The following LRRTM4 variants were observed in gnomAD, a reference collection of about 807,000 sequenced individuals.
The protein encoded by LRRTM4 is leucine rich repeat transmembrane neuronal 4.
A neutral mutation model predicts 47.6 loss-of-function variants in LRRTM4; 25 were observed. That is an observed-to-expected ratio of 0.53 (90% CI 0.38 to 0.73). The LOEUF (loss-of-function observed/expected upper bound fraction) is 0.73, where lower values mean the gene tolerates loss of function less well. Ranked by LOEUF, LRRTM4 falls within the 30% of genes least tolerant of loss-of-function variation. LRRTM4 has a pLI of 0.00. For synonymous variants in LRRTM4, 311 were observed against 269.5 expected (o/e 1.15, Z -1.51); for missense variants, 638 against 713.4 (o/e 0.89, Z 1.20).
rs1674413037 is a variant in LRRTM4, at chr2:76,781,833, C to T, written c.1552-32917G>A. On this transcript the variant is annotated intron_variant, in intron 3 of 3. Coordinates refer to ENST00000409884, the MANE Select transcript of LRRTM4 (RefSeq NM_001134745.3). The stretch of plus-strand genomic sequence containing the variant: ...CCTGAAGAGGACACTTTTTTATCTG[C>T]ATTAAAAATCTATTCAGGTAAATAT... 2.6e-5 allele frequency among the ~76,000 whole-genome samples: 4 copies of T among 152,256 alleles called. No individual in the cohort carries two copies. The South Asian group carries it at 6.2e-4, about 24-fold the overall frequency.
chr2:76,828,637 C>G (rs146115158), intron 3 of LRRTM4, among the ~76,000 whole-genome samples: 1 of 151,868 alleles, frequency 6.6e-6, no homozygotes, highest in Admixed American at 6.6e-5. Flanking sequence ...CTAAATTTTT[C>G]TTTGTGTTTT....
intron 3 of LRRTM4, among the ~76,000 whole-genome samples, chr2:76,928,157 G>A (rs774801000): frequency 2.2e-4 from 34 of 152,200 alleles, no homozygotes; most frequent in Non-Finnish European, 4.3e-4. Context: ...TGTGGATGTG[G>A]AAATTTAGGT....
chr2:77,096,144 C>T (rs182424374), intron 3 of LRRTM4, among the ~76,000 whole-genome samples: 13 of 151,782 alleles, frequency 8.6e-5, no homozygotes, highest in Admixed American at 6.6e-5. Context: ...TAAATATAAT[C>T]ATTTTTTAAT....
chr2:76,753,431 T>C (rs1054037685), intron 3 of LRRTM4, among the ~76,000 whole-genome samples: 2 of 152,160 alleles, frequency 1.3e-5, no homozygotes, highest in Non-Finnish European at 2.9e-5. Context: ...GGCTCATAGA[T>C]TGGCTCATTA....
intron 3 of LRRTM4, among the ~76,000 whole-genome samples, chr2:77,274,729 C>A (rs1225551540): frequency 6.6e-6 from 1 of 152,138 alleles, no homozygotes; most frequent in Non-Finnish European, 1.5e-5. Context: ...CTCATTCCAA[C>A]ATCGACTAAA....
chr2:77,197,945 A>C (rs537632823), intron 3 of LRRTM4, among the ~76,000 whole-genome samples: 2 of 152,198 alleles, frequency 1.3e-5, no homozygotes, highest in African/African-American at 4.8e-5. Context: ...TTTTCATTTT[A>C]GTTTTCTTTT....
At position 76,792,717 on chromosome 2, in the gene LRRTM4, C is replaced by T. The variant is rs77895314; in HGVS notation, c.1552-43801G>A. On this transcript the variant is annotated intron_variant, in intron 3 of 3. Coordinates refer to ENST00000409884, the MANE Select transcript of LRRTM4 (RefSeq NM_001134745.3). ...TTGTAGAATTCTTTGTGCCACTCTCCCTACTTCAGTACATTTTTCCTGTAA... is the reference window on the plus strand; with the variant it reads ...TTGTAGAATTCTTTGTGCCACTCTCTCTACTTCAGTACATTTTTCCTGTAA... 4.3e-3 allele frequency among the ~76,000 whole-genome samples: 657 copies of T among 152,082 alleles called. 2 individuals are homozygous for T. Among genetic ancestry groups the T allele is most frequent in the Non-Finnish European group, 6.8e-3 (462 of 67,992 alleles).
At chr2:76,778,856 G>T (rs199523831) in intron 3 of LRRTM4, among the ~76,000 whole-genome samples, 94,161 of 149,432 alleles carry the variant, frequency 0.63, 29,848 homozygotes, top group Admixed American at 0.69. Context: ...TGATGTTAGG[G>T]TGTCAATTTT....
intron 3 of LRRTM4, among the ~76,000 whole-genome samples, chr2:77,313,607 G>A (rs1677535866): frequency 6.6e-6 from 1 of 151,988 alleles, no homozygotes; most frequent in South Asian, 2.1e-4. Context: ...GTTTTCTTCT[G>A]CCCTATATTT....
At chr2:76,870,157 C>T (rs1672582432) in intron 3 of LRRTM4, among the ~76,000 whole-genome samples, 1 of 152,122 alleles carries the variant, frequency 6.6e-6, no homozygotes, top group Non-Finnish European at 1.5e-5. Flanking sequence ...GATCTTTTAT[C>T]CTACTAAAGC....
intron 3 of LRRTM4, among the ~76,000 whole-genome samples, chr2:77,182,461 T>A (rs1020673197): frequency 9.9e-5 from 15 of 151,952 alleles, no homozygotes; most frequent in Non-Finnish European, 2.1e-4. Flanking sequence ...AGATGATGGA[T>A]CAATAGGTGC....
chr2:76,887,479 T>G (rs1043705324), intron 3 of LRRTM4, among the ~76,000 whole-genome samples: 2 of 150,404 alleles, frequency 1.3e-5, no homozygotes, highest in South Asian at 4.2e-4. Context: ...TAACATTTAG[T>G]GCCTTTATTT....
chr2:76,904,288 T>A, intron 3 of LRRTM4, among the ~76,000 whole-genome samples: 1 of 152,238 alleles, frequency 6.6e-6, no homozygotes, highest in East Asian at 1.9e-4. Context: ...AGAACCACGT[T>A]TTTTAAAGAG....
chr2:77,381,778 T>A (rs1300924342), intron 3 of LRRTM4, among the ~76,000 whole-genome samples: 7 of 152,058 alleles, frequency 4.6e-5, no homozygotes, highest in Non-Finnish European at 8.8e-5. Flanking sequence ...AGATATTTAT[T>A]CTACAGCTAC....
intron 3 of LRRTM4, among the ~76,000 whole-genome samples, chr2:77,028,999 C>T (rs1678550693): frequency 6.7e-6 from 1 of 149,280 alleles, no homozygotes; most frequent in South Asian, 2.1e-4. Context: ...CACACCACTG[C>T]ACTATAGCCT....
Position 77,407,081 on chromosome 2 carries a change from C to T in LRRTM4, c.1551+111237G>A, listed in dbSNP as rs954179208. ...AATTTATTCCTTACGACGAGATTAT[C>T]GAACTCACTTATAATTAGAAGTAAA... is the stretch of plus-strand genomic sequence containing the variant. On this transcript the variant is annotated intron_variant, in intron 3 of 3. Coordinates refer to ENST00000409884, the MANE Select transcript of LRRTM4 (RefSeq NM_001134745.3). 3.3e-5 allele frequency among the ~76,000 whole-genome samples: 5 copies of T among 152,030 alleles called. 1 individual carries two copies. The highest frequency in any genetic ancestry group is 3.9e-4 in the East Asian group (2 of 5,182).
chr2:77,255,915 G>C lies in LRRTM4; in HGVS notation c.1551+262403C>G, dbSNP rs572993991. Among the ~76,000 whole-genome samples the C allele has an allele frequency of 3.5e-4, 53 of 151,936 alleles. 1 individual carries two copies. Among genetic ancestry groups the C allele is most frequent in the Non-Finnish European group, 6.8e-4 (46 of 67,916 alleles). On this transcript the variant is annotated intron_variant, in intron 3 of 3. Coordinates refer to ENST00000409884, the MANE Select transcript of LRRTM4 (RefSeq NM_001134745.3). ...GTATTAAGAAGGAAGAAAATAATGAGACAACAGAAGCCAAAACCAATGAAA... is the reference window on the plus strand; with the variant it reads ...GTATTAAGAAGGAAGAAAATAATGACACAACAGAAGCCAAAACCAATGAAA...
At chr2:77,256,221 A>C (rs12613168) in intron 3 of LRRTM4, among the ~76,000 whole-genome samples, 13,298 of 152,194 alleles carry the variant, frequency 0.087, 721 homozygotes, top group East Asian at 0.31. Flanking sequence ...CTACTCGGCC[A>C]ATTTGAAATA....
chr2:77,113,830 C>G (rs1198085076), intron 3 of LRRTM4, among the ~76,000 whole-genome samples: 1 of 151,974 alleles, frequency 6.6e-6, no homozygotes, highest in South Asian at 2.1e-4. Flanking sequence ...AGTTTGGCCC[C>G]GGAGCCATTA....
Sources: allele counts gnomAD v4.1 joint callset (sites outside exome capture counted in the v4.1 genomes callset), GRCh38; gene constraint gnomAD v4.1.1; transcripts MANE v1.5; gene names NCBI Gene and HGNC (gene_info 2026-07-23, HGNC 2026-07-21).